Variants in LRRC23 observed in about 807,000 individuals in gnomAD.
LRRC23 encodes leucine-rich repeat-containing protein 23.
LRRC23 carries 28 observed loss-of-function variants against 37.7 expected under a neutral mutation model. The ratio of observed to expected loss-of-function variants is 0.74; its 90% confidence interval spans 0.55 to 1.02. LRRC23 has a LOEUF of 1.02. Ranked by LOEUF, LRRC23 falls within the 50% of genes least tolerant of loss-of-function variation. The probability of loss-of-function intolerance (pLI) is 0.00; values close to 1 mark genes in which losing one functional copy is unlikely to be tolerated. For synonymous variants in LRRC23, 161 were observed against 165.4 expected (o/e 0.97, Z 0.20); for missense variants, 377 against 413.2 (o/e 0.91, Z 0.76).
chr12:6,905,529 C>A, intron 1 of LRRC23, 56 bp from the exon 2 acceptor site: 1 of 1,151,002 alleles, frequency 8.7e-7, no homozygotes. Context: ...TGGCACGTGT[C>A]AATGACGATG....
chr12:6,905,352 G>GTCAC (rs1184480753), intron 1 of LRRC23: 3 of 298,282 alleles, frequency 1.0e-5, no homozygotes, highest in African/African-American at 6.6e-5. Context: ...GAGAGCTGGA[G>GTCAC]TCACTGTGAA....
At chr12:6,911,259 C>G (rs1274668572) in intron 6 of LRRC23, among the ~76,000 whole-genome samples, 1 of 152,134 alleles carries the variant, frequency 6.6e-6, no homozygotes, top group Non-Finnish European at 1.5e-5. Context: ...CTGCCTCTTT[C>G]CTTAGTCAAC....
chr12:6,907,553 ACTGG>A, intron 5 of LRRC23, 108 bp downstream of exon 5: 3 of 1,166,524 alleles, frequency 2.6e-6, no homozygotes, highest in Non-Finnish European at 3.8e-6. Flanking sequence ...TATGATAATA[ACTGG>A]TATTATTATC....
chr12:6,906,699 T>C (rs1944959223), intron 4 of LRRC23, 37 bp downstream of exon 4: 1 of 1,602,276 alleles, frequency 6.2e-7, no homozygotes, highest in Non-Finnish European at 8.5e-7. Context: ...GATTCTTTCC[T>C]TCCTAGCCTG....
intron 6 of LRRC23, among the ~76,000 whole-genome samples, chr12:6,911,019 T>C (rs1339221912): frequency 2.0e-5 from 3 of 152,098 alleles, no homozygotes; most frequent in Admixed American, 1.3e-4. Flanking sequence ...CCACTGCCCT[T>C]CTCCATTTCC....
At chr12:6,906,770 C>A in intron 4 of LRRC23, 108 bp downstream of exon 4, 1 of 1,171,218 alleles carries the variant, frequency 8.5e-7, no homozygotes, top group Non-Finnish European at 1.2e-6. Context: ...TGCATTCATT[C>A]ATTCATTCAG....
intron 7 of LRRC23, among the ~76,000 whole-genome samples, chr12:6,913,571 T>TTTG (rs1945238921): frequency 1.5e-5 from 2 of 132,340 alleles, no homozygotes; most frequent in South Asian, 2.7e-4. Context: ...TTTTTTTTTT[T>TTTG]TTTTTTTTTT....
At chr12:6,907,786 T>C (rs1444286446) in intron 5 of LRRC23, 5 of 513,814 alleles carry the variant, frequency 9.7e-6, no homozygotes, top group Non-Finnish European at 1.8e-5. Flanking sequence ...ACCACAACAA[T>C]CATCAACATA....
chr12:6,907,216 C>A, intron 4 of LRRC23, 99 bp from the exon 5 acceptor site: 2 of 1,436,070 alleles, frequency 1.4e-6, no homozygotes, highest in Non-Finnish European at 9.7e-7. Context: ...ATCTACCCTG[C>A]TTTGCGAATG....
At chr12:6,907,565 A>T (rs1359377855) in intron 5 of LRRC23, 120 bp downstream of exon 5, 3 of 1,061,458 alleles carry the variant, frequency 2.8e-6, no homozygotes, top group Non-Finnish European at 4.3e-6. Context: ...TGGTATTATT[A>T]TCAAGACCAT....
At chr12:6,908,634 C>T (rs1181449316) in intron 5 of LRRC23, among the ~76,000 whole-genome samples, 5 of 118,420 alleles carry the variant, frequency 4.2e-5, no homozygotes, top group Admixed American at 9.1e-5. Context: ...AAGAAAAACA[C>T]GGTGAAACCC....
At chr12:6,913,240 A>G (rs1945213213) in intron 7 of LRRC23, 2 of 546,174 alleles carry the variant, frequency 3.7e-6, no homozygotes, top group Non-Finnish European at 6.5e-6. Context: ...CCAGAAGAGT[A>G]AGTGAAAAGA....
chr12:6,909,165 A>AT (rs374591840), intron 5 of LRRC23, among the ~76,000 whole-genome samples: 6 of 588 alleles, frequency 0.01, 1 homozygote, highest in Non-Finnish European at 0.019. Context: ...ATTATATATA[A>AT]AATATATAAT....
intron 1 of LRRC23, 26 bp downstream of exon 1, chr12:6,905,101 T>C (rs1944907395): frequency 6.3e-6 from 1 of 158,204 alleles, no homozygotes; most frequent in Non-Finnish European, 1.4e-5. Context: ...CTAAGGCGAA[T>C]TGAGTGGGAG....
intron 7 of LRRC23, among the ~76,000 whole-genome samples, chr12:6,913,388 T>C (rs1945219045): frequency 6.6e-6 from 1 of 151,276 alleles, no homozygotes; most frequent in South Asian, 2.1e-4. Context: ...CAGCTGGACC[T>C]AGGAGAGAAG....
chr12:6,913,128 A>G, intron 7 of LRRC23, 101 bp downstream of exon 7: 1 of 1,240,246 alleles, frequency 8.1e-7, no homozygotes, highest in South Asian at 1.4e-5. Flanking sequence ...TGGGAGAGGA[A>G]AGCATCAGAC....
In LRRC23 at chr12:6,906,414, T is replaced by C. The variant is rs782138871; in HGVS notation, c.242T>C (p.Leu81Pro). 17 of 1,613,692 alleles carry C rather than the reference T, an allele frequency of 1.1e-5. No individual in the cohort carries two copies. Among genetic ancestry groups the C allele is most frequent in the Non-Finnish European group, 1.3e-5 (15 of 1,179,942 alleles). The change falls in exon 4 of 8, where the codon CTG becomes CCG. Residue 81 changes from leucine (L) to proline (P), a missense_variant. Leu to Pro is a moderately conservative substitution (Grantham distance 98). This residue lies in a region of LRRC23 where 106 missense variants were observed against 105.9 expected (regional missense o/e 1.00). Transcript: ENST00000443597. ...CTCCCTCTTCCATCTCCTAGGGACC[T>C]GACAGACATCTACTTGCTGCGCTCC... ...YVKLEVKERDLTDIYLLRSYI... is the reference protein window; with the variant it reads ...YVKLEVKERDPTDIYLLRSYI...
chr12:6,912,892 T>C lies in LRRC23; in HGVS notation c.921T>C (p.Tyr307=), dbSNP rs1565555905. ...PYLERLDKEF[Y]EEEERAEADV... is the part of the protein sequence containing the mutation. ...TTGAACGCCTGGACAAGGAATTCTA[T>C]GAGGAGGAGGAACGGGCTGAGGCTG... The change falls in exon 7 of 8, where the codon TAT becomes TAC. Residue 307 remains tyrosine, a synonymous_variant. Coordinates refer to ENST00000443597, the MANE Select transcript of LRRC23 (RefSeq NM_001135217.2). 1 of 1,613,890 alleles carries C rather than the reference T, an allele frequency of 6.2e-7. No homozygotes were observed. Among genetic ancestry groups the C allele is most frequent in the South Asian group, 1.1e-5 (1 of 91,066 alleles).
chr12:6,912,589 T>A, intron 6 of LRRC23, 141 bp from the exon 7 acceptor site: 1 of 766,010 alleles, frequency 1.3e-6, no homozygotes, highest in Non-Finnish European at 2.2e-6. Context: ...CTGCAGTAAA[T>A]CTGGCAAGGC....
Sources: gnomAD v4.1 joint callset for allele counts (sites outside exome capture counted in the v4.1 genomes callset) on GRCh38, gnomAD v4.1.1 for gene constraint, gnomAD v4.1.1 regional missense constraint, MANE v1.5 for transcripts, NCBI Gene and HGNC (gene_info 2026-07-23, HGNC 2026-07-21) for gene names.